The following DLG2 variants were observed in gnomAD, a reference collection of about 807,000 sequenced individuals.
DLG2 encodes discs large MAGUK scaffold protein 2.
A neutral mutation model predicts 132.5 loss-of-function variants in DLG2; 45 were observed. The ratio of observed to expected loss-of-function variants is 0.34; its 90% confidence interval spans 0.27 to 0.44. DLG2 has a LOEUF of 0.44. Ranked by LOEUF, DLG2 falls within the 20% of genes least tolerant of loss-of-function variation. DLG2 has a pLI of 1.00. For missense variants in DLG2, 1,045 were observed against 1,196.9 expected, an observed-to-expected ratio of 0.87 and a Z score of 1.87; for synonymous variants, 424 against 419.6, an observed-to-expected ratio of 1.01 and a Z score of -0.13.
chr11:85,077,565 T>A (rs2066707814), intron 6 of DLG2, among the ~76,000 whole-genome samples: 1 of 151,992 alleles, frequency 6.6e-6, no homozygotes, highest in South Asian at 2.1e-4. Context: ...TGCCAGTGAA[T>A]GGAAAGTTGA....
chr11:84,350,473 A>G (rs1239760293), intron 7 of DLG2, among the ~76,000 whole-genome samples: 1 of 152,194 alleles, frequency 6.6e-6, no homozygotes, highest in Non-Finnish European at 1.5e-5. Context: ...CTAGGAGGAC[A>G]TATTGAGAAC....
chr11:85,586,291 T>G (rs2078965570), intron 3 of DLG2, among the ~76,000 whole-genome samples: 1 of 152,224 alleles, frequency 6.6e-6, no homozygotes, highest in Admixed American at 6.5e-5. Flanking sequence ...CTGGTACCAA[T>G]TCTTTGAATG....
intron 3 of DLG2, among the ~76,000 whole-genome samples, chr11:85,414,088 T>A (rs1445825961): frequency 6.6e-6 from 1 of 152,092 alleles, no homozygotes; most frequent in African/African-American, 2.4e-5. Flanking sequence ...CAGTGTTTTG[T>A]AGTTTTCCTT....
intron 18 of DLG2, among the ~76,000 whole-genome samples, chr11:83,783,201 A>G (rs188951657): frequency 4.6e-5 from 7 of 152,306 alleles, no homozygotes; most frequent in East Asian, 1.9e-4. Context: ...AATTGGTGTC[A>G]ATTCTACTAC....
At chr11:83,639,219 C>T (rs1356662376) in intron 18 of DLG2, among the ~76,000 whole-genome samples, 2 of 152,296 alleles carry the variant, frequency 1.3e-5, no homozygotes, top group East Asian at 1.9e-4. Flanking sequence ...AGATGGTGGG[C>T]AGCATGCCCC....
At chr11:85,584,993 C>G (rs1349723447) in intron 3 of DLG2, among the ~76,000 whole-genome samples, 1 of 152,160 alleles carries the variant, frequency 6.6e-6, no homozygotes, top group East Asian at 1.9e-4. Context: ...TATGCAGAAG[C>G]TTTTTAGTTT....
intron 6 of DLG2, among the ~76,000 whole-genome samples, chr11:85,016,239 T>C (rs975884993): frequency 2.6e-5 from 4 of 152,158 alleles, no homozygotes; most frequent in Non-Finnish European, 4.4e-5. Flanking sequence ...CCTCAGGTAG[T>C]AAGCTTTACT....
chr11:84,412,211 T>A (rs1026999914), intron 7 of DLG2, among the ~76,000 whole-genome samples: 5 of 151,386 alleles, frequency 3.3e-5, no homozygotes, highest in African/African-American at 1.2e-4. Context: ...ATGTTATAGT[T>A]CATAAAAATG....
At chr11:83,838,503 C>A (rs1045186436) in intron 16 of DLG2, among the ~76,000 whole-genome samples, 2 of 152,126 alleles carry the variant, frequency 1.3e-5, no homozygotes, top group African/African-American at 4.8e-5. Context: ...ATCCAAAAGT[C>A]TAGAATACGG....
chr11:83,522,152 G>A (rs188081432), intron 21 of DLG2, among the ~76,000 whole-genome samples: 140 of 152,276 alleles, frequency 9.2e-4, no homozygotes, highest in African/African-American at 3.2e-3. Context: ...AAGTGTTAAA[G>A]TGCACTTACT....
rs117162140 is a variant in DLG2 at position 85,146,484 on chromosome 11, G to A, written c.282+8072C>T. Among the ~76,000 whole-genome samples, 594 of 152,192 alleles carry A rather than the reference G, an allele frequency of 3.9e-3. 2 individuals carry two copies. Among genetic ancestry groups the A allele is most frequent in the Non-Finnish European group, 5.9e-3 (401 of 68,006 alleles). On this transcript the variant is annotated intron_variant, in intron 5 of 27. Coordinates refer to ENST00000376104, the MANE Select transcript of DLG2 (RefSeq NM_001142699.3). ...CATGAAGGGGTCCCTCCTGTCAGGGGAGCAGGTTCCCTTCTAGCCAAGGGT... is the reference window on the plus strand; with the variant it reads ...CATGAAGGGGTCCCTCCTGTCAGGGAAGCAGGTTCCCTTCTAGCCAAGGGT...
chr11:84,718,266 A>T (rs1288879831), intron 6 of DLG2, among the ~76,000 whole-genome samples: 7 of 151,896 alleles, frequency 4.6e-5, no homozygotes, highest in Non-Finnish European at 7.4e-5. Context: ...TTCACATAAC[A>T]TTAATTTATT....
At chr11:84,954,746 A>T (rs2051416603) in intron 6 of DLG2, among the ~76,000 whole-genome samples, 1 of 152,148 alleles carries the variant, frequency 6.6e-6, no homozygotes, top group Admixed American at 6.5e-5. Context: ...TTCTAATTCC[A>T]TAAGGATTGA....
intron 17 of DLG2, among the ~76,000 whole-genome samples, chr11:83,820,215 C>T (rs1450079972): frequency 6.6e-6 from 1 of 151,948 alleles, no homozygotes; most frequent in East Asian, 1.9e-4. Flanking sequence ...ACAATAGGTT[C>T]ATAGGCCAGT....
intron 3 of DLG2, among the ~76,000 whole-genome samples, chr11:85,377,029 C>A (rs2085461476): frequency 6.6e-6 from 1 of 152,090 alleles, no homozygotes; most frequent in African/African-American, 2.4e-5. Flanking sequence ...ATTATTATTA[C>A]CACCCTTTAT....
chr11:84,181,331 G>T (rs1214125205), intron 8 of DLG2, among the ~76,000 whole-genome samples: 2 of 151,142 alleles, frequency 1.3e-5, no homozygotes, highest in African/African-American at 4.9e-5. Flanking sequence ...GGCAACCATT[G>T]AAAAAGTAAA....
intron 3 of DLG2, among the ~76,000 whole-genome samples, chr11:85,291,327 T>C (rs2078875531): frequency 6.6e-6 from 1 of 152,160 alleles, no homozygotes; most frequent in African/African-American, 2.4e-5. Context: ...CATCTTTACA[T>C]ACTTTTTAAT....
At chr11:83,505,068 G>C (rs1012563099) in intron 21 of DLG2, among the ~76,000 whole-genome samples, 2 of 152,184 alleles carry the variant, frequency 1.3e-5, no homozygotes, top group Non-Finnish European at 2.9e-5. Context: ...CAGTGGATAA[G>C]GCACTTCATG....
chr11:85,030,927 C>A, intron 6 of DLG2, among the ~76,000 whole-genome samples: 1 of 151,660 alleles, frequency 6.6e-6, no homozygotes, highest in East Asian at 1.9e-4. Flanking sequence ...TTTAGCTGTA[C>A]CCATAAGTTT....
Sources: gnomAD v4.1 joint callset for allele counts (sites outside exome capture counted in the v4.1 genomes callset) on GRCh38, gnomAD v4.1.1 for gene constraint, MANE v1.5 for transcripts, NCBI Gene and HGNC (gene_info 2026-07-23, HGNC 2026-07-21) for gene names.